Variants in ZNF678 observed in about 807,000 individuals in gnomAD.
ZNF678 encodes zinc finger protein 678.
ZNF678 carries 5 observed loss-of-function variants against 3.0 expected under a neutral mutation model. The ratio of observed to expected loss-of-function variants is 1.69; its 90% CI spans 0.88 to 3.56. The LOEUF is 3.56. Among genes scored for constraint, ZNF678 ranks in the 30% most tolerant of loss-of-function variants. ZNF678 has a pLI of 0.00. For missense variants in ZNF678, 593 were observed against 605.0 expected (o/e 0.98, Z 0.21); for synonymous variants, 218 against 199.6 (o/e 1.09, Z -0.78).
At position 227,660,381 on chromosome 1, in the gene ZNF678, TTTTCA is replaced by T. The variant is rs1485130104; in HGVS notation, c.*4557_*4561del. 1 of 151,930 alleles carries T rather than the reference TTTTCA, an allele frequency of 6.6e-6. No individual in the cohort carries two copies. Among genetic ancestry groups the T allele is most frequent in the African/African-American group, 2.4e-5 (1 of 41,412 alleles). The allele number at this position is 151,930 out of a possible 1,614,324, so 9.4% of individuals were successfully genotyped here. ...GGCCAATTTATGAATAAGGGATAAC[TTTTCA>T]TTTATTTATGTTTAATTTTATACCT... On this transcript the variant is annotated 3_prime_UTR_variant, in exon 4 of 4. Transcript: ENST00000343776.
intron 1 of ZNF678, among the ~76,000 whole-genome samples, chr1:227,592,441 GC>G (rs978886396): frequency 5.9e-5 from 9 of 152,238 alleles, no homozygotes; most frequent in African/African-American, 9.6e-5. Flanking sequence ...CTTGGCCAGG[GC>G]CCTACAGTCT....
rs1036086733 is a variant in ZNF678, at chr1:227,661,992, C to T, written c.*6164C>T. Reference sequence around the variant, plus strand: ...GTAACAGCAGCATGAGCCTCAGGTGCTTTGGGGATTGAAATTCAGACCAGG... The same window carrying T: ...GTAACAGCAGCATGAGCCTCAGGTGTTTTGGGGATTGAAATTCAGACCAGG... On this transcript the variant is annotated 3_prime_UTR_variant, in exon 4 of 4. Coordinates refer to ENST00000343776, the MANE Select transcript of ZNF678 (RefSeq NM_001367909.1). 1 of 152,210 alleles carries T rather than the reference C, an allele frequency of 6.6e-6. No homozygotes were observed. The allele number at this position is 152,210 out of a possible 1,614,324, so 9.4% of individuals were successfully genotyped here.
downstream of ZNF678, among the ~76,000 whole-genome samples, chr1:227,665,051 A>G (rs373303375): frequency 1.3e-5 from 2 of 152,178 alleles, no homozygotes; most frequent in Non-Finnish European, 2.9e-5. Flanking sequence ...AACCTACCCA[A>G]TGGGGATTAT....
At chr1:227,643,155 A>G (rs1658863679) in intron 1 of ZNF678, among the ~76,000 whole-genome samples, 1 of 151,982 alleles carries the variant, frequency 6.6e-6, no homozygotes, top group Non-Finnish European at 1.5e-5. Context: ...CCTGAACAGA[A>G]TTATTAGTAG....
Position 227,628,834 on chromosome 1 carries a change from G to T in ZNF678, c.-163-17710G>T, listed in dbSNP as rs138133907. On this transcript the variant is annotated intron_variant, in intron 1 of 3. Transcript: ENST00000343776. ...TGGGCTAATACCTGGCCAAATAGATGGGGGCTATCCCAACAGTCCAGGTGA... is the reference window on the plus strand; with the variant it reads ...TGGGCTAATACCTGGCCAAATAGATTGGGGCTATCCCAACAGTCCAGGTGA... 4.6e-3 allele frequency among the ~76,000 whole-genome samples: 701 copies of T among 152,312 alleles called. 18 individuals are homozygous for T. The South Asian group carries it at 0.057, about 12-fold the overall frequency.
Position 227,655,587 on chromosome 1 carries a change from C to G in ZNF678, c.1337C>G (p.Ser446Ter), listed in dbSNP as rs779175623. The change falls in exon 4 of 4, where the codon TCA becomes TGA. Residue 446 changes from serine (S) to a stop codon, truncating the protein, a stop_gained. Transcript: ENST00000343776. LOFTEE classifies it low-confidence loss of function (END_TRUNC). ...KECGKAFYQS[S>*]ILSKHKRIHT... The stretch of plus-strand genomic sequence containing the variant: ...TGTGGCAAAGCTTTTTACCAATCCT[C>G]AATCCTTAGTAAGCATAAGAGAATT... 2.5e-6 allele frequency: 4 copies of G among 1,612,342 alleles called. No individual in the cohort carries two copies. In the African/African-American group the frequency reaches 4.0e-5, roughly 16 times the overall value.
At chr1:227,603,783 A>G (rs1027181179) in intron 1 of ZNF678, among the ~76,000 whole-genome samples, 4 of 152,198 alleles carry the variant, frequency 2.6e-5, no homozygotes, top group African/African-American at 9.6e-5. Flanking sequence ...GTGGACTTCA[A>G]GTGCCTCTTA....
Position 227,646,547 on chromosome 1 carries a change from C to A in ZNF678, c.-160C>A, listed in dbSNP as rs754984036. The A allele has an allele frequency of 5.1e-6, 7 of 1,370,604 alleles. No homozygotes were observed. The highest frequency in any genetic ancestry group is 4.9e-6 in the Non-Finnish European group (5 of 1,023,692). 84.9% of individuals were successfully genotyped at this position (1,370,604 alleles called of 1,614,324 possible). A position where few individuals can be genotyped will look rare whatever the true frequency, so the allele number is the denominator to read the frequency against. On this transcript the variant is annotated 5_prime_UTR_variant, in exon 2 of 4. Coordinates refer to ENST00000343776, the MANE Select transcript of ZNF678 (RefSeq NM_001367909.1). ...TGTGTATTTTTCCCCCCCCCAGGGA[C>A]TACTGGCATTCAGTGATGTGGTCAT...
chr1:227,641,554 G>T (rs1256690425), intron 1 of ZNF678, among the ~76,000 whole-genome samples: 1 of 151,956 alleles, frequency 6.6e-6, no homozygotes, highest in African/African-American at 2.4e-5. Flanking sequence ...TTTGTTTTTA[G>T]TTGCTTTTTA....
chr1:227,627,455 A>G (rs1304992775), intron 1 of ZNF678, among the ~76,000 whole-genome samples: 3 of 151,956 alleles, frequency 2.0e-5, no homozygotes, highest in Admixed American at 6.6e-5. Context: ...TTTGGCTTCA[A>G]TATCCACTTG....
intron 1 of ZNF678, among the ~76,000 whole-genome samples, chr1:227,626,134 G>A (rs1284639878): frequency 6.6e-6 from 1 of 152,124 alleles, no homozygotes; most frequent in Non-Finnish European, 1.5e-5. Context: ...AGTGAAAGGG[G>A]GTAAGAGAAC....
downstream of ZNF678, among the ~76,000 whole-genome samples, chr1:227,665,842 T>C (rs1659496106): frequency 6.6e-6 from 1 of 152,222 alleles, no homozygotes; most frequent in Non-Finnish European, 1.5e-5. Context: ...CGTTATCCTC[T>C]AGGCAACTGC....
chr1:227,636,923 C>T (rs1261633293), intron 1 of ZNF678, among the ~76,000 whole-genome samples: 3 of 152,126 alleles, frequency 2.0e-5, no homozygotes, highest in Non-Finnish European at 2.9e-5. Flanking sequence ...GAACGCATAA[C>T]GAGAATTTGA....
At chr1:227,654,293 G>T in intron 3 of ZNF678, 43 bp from the exon 4 acceptor site, 1 of 1,400,578 alleles carries the variant, frequency 7.1e-7, no homozygotes, top group South Asian at 1.6e-5. Flanking sequence ...ATATTTACTG[G>T]AGATTAGTAA....
chr1:227,588,506 C>T (rs6677318), intron 1 of ZNF678, among the ~76,000 whole-genome samples: 4 of 135,894 alleles, frequency 2.9e-5, no homozygotes, highest in South Asian at 2.3e-4. Flanking sequence ...GTTTTTTTTA[C>T]TTTTTTTTTT....
At position 227,655,079 on chromosome 1, in the gene ZNF678, T is replaced by C. The variant is rs144273218; in HGVS notation, c.829T>C (p.Cys277Arg). The stretch of plus-strand genomic sequence containing the variant: ...AGAATGTGGCAACGTTTTTAATGAG[T>C]GCTCACACCTAACTAGACATAGGAG... ...CEECGNVFNE[C>R]SHLTRHRRIH... Residue 277 changes from cysteine (C) to arginine (R), a missense_variant, in exon 4 of 4, where the codon TGC becomes CGC. By Grantham distance (180) the Cys-to-Arg change is radical. Transcript: ENST00000343776. 122 of 1,611,920 alleles carry C rather than the reference T, an allele frequency of 7.6e-5. No individual in the cohort carries two copies. The highest frequency in any genetic ancestry group is 9.5e-5 in the Non-Finnish European group (112 of 1,179,260).
chr1:227,564,733 GT>G (rs1218681104), intron 1 of ZNF678, among the ~76,000 whole-genome samples: 1 of 152,030 alleles, frequency 6.6e-6, no homozygotes, highest in Non-Finnish European at 1.5e-5. Context: ...TGTTTTGTTT[GT>G]TTTTGTTTTT....
chr1:227,608,327 A>G (rs1045145360), intron 1 of ZNF678, among the ~76,000 whole-genome samples: 2 of 152,114 alleles, frequency 1.3e-5, no homozygotes, highest in African/African-American at 4.8e-5. Context: ...TGGTGATTGG[A>G]ATCCAGTTAA....
chr1:227,655,170 G>A lies in ZNF678; in HGVS notation c.920G>A (p.Ser307Asn). ...ECGKAFTQFA[S>N]LTRHKRIHTG... ...GGCAAAGCCTTTACACAGTTTGCAA[G>A]CCTTACTCGTCATAAAAGAATTCAT... Residue 307 changes from serine to asparagine, a missense_variant, in exon 4 of 4, where the codon AGC (serine) becomes AAC (asparagine). Physicochemically the swap from Ser to Asn is conservative, Grantham distance 46. Transcript: ENST00000343776. 1.2e-6 allele frequency: 2 copies of A among 1,606,336 alleles called. No individual in the cohort carries two copies. The highest frequency in any genetic ancestry group is 1.7e-6 in the Non-Finnish European group (2 of 1,177,208).
Sources: gnomAD v4.1 joint callset for allele counts (sites outside exome capture counted in the v4.1 genomes callset) on GRCh38, gnomAD v4.1.1 for gene constraint, MANE v1.5 for transcripts, NCBI Gene and HGNC (gene_info 2026-07-23, HGNC 2026-07-21) for gene names.